GRK5: variants seen among roughly 807,000 people sequenced by gnomAD.
GRK5 encodes G protein-coupled receptor kinase 5.
Under a neutral mutation model 78.4 loss-of-function variants are expected in GRK5, and 40 were observed. The observed-to-expected ratio is 0.51, with a 90% CI of 0.40 to 0.66. The LOEUF is 0.66. Ranked by LOEUF, GRK5 falls within the 30% of genes least tolerant of loss-of-function variation. GRK5 has a pLI of 0.00. For missense variants in GRK5, 598 were observed against 759.9 expected (o/e 0.79, Z 2.50); for synonymous variants, 289 against 296.8 (o/e 0.97, Z 0.27).
intron 1 of GRK5, among the ~76,000 whole-genome samples, chr10:119,266,914 G>A (rs923643332): frequency 6.6e-6 from 1 of 151,870 alleles, no homozygotes; most frequent in African/African-American, 2.4e-5. Context: ...AGCTAGCACT[G>A]CAGGCGTGTG....
rs892977841 is a variant in GRK5, at chr10:119,459,638, C to T, written c.*4571C>T. ...CTGAAGGCAGCGGCTTCTGTTCTCC[C>T]GCTGCTGTAACTCTGTGTGTTCCGT... On this transcript the variant is annotated 3_prime_UTR_variant, in exon 16 of 16. Coordinates refer to ENST00000392870, the MANE Select transcript of GRK5 (RefSeq NM_005308.3). 2.0e-5 allele frequency: 3 copies of T among 152,224 alleles called. No individual in the cohort carries two copies. Among genetic ancestry groups the T allele is most frequent in the Admixed American group, 6.5e-5 (1 of 15,282 alleles). 9.4% of individuals were successfully genotyped at this position (152,224 alleles called of 1,614,324 possible).
Position 119,386,830 on chromosome 10 carries a change from G to A in GRK5, c.261+5903G>A, listed in dbSNP as rs111582175. Among the ~76,000 whole-genome samples, 160 of 152,314 alleles carry A rather than the reference G, an allele frequency of 1.1e-3. 1 individual carries two copies. The highest frequency in any genetic ancestry group is 3.6e-3 in the African/African-American group (148 of 41,558). On this transcript the variant is annotated intron_variant, in intron 3 of 15. Transcript: ENST00000392870. ...TGACTGGAACCCAGAGGAGGGAGGA[G>A]GTGGCGGGGTCCTTGGTGTTGCAGT...
Position 119,297,695 on chromosome 10 carries a change from C to T in GRK5, c.53-28821C>T, listed in dbSNP as rs144609759. The stretch of plus-strand genomic sequence containing the variant: ...CCTCTTGCTCTCTTGCTCTTGCCCC[C>T]TCTTGCCCTTCTGCCTTCCACCACA... On this transcript the variant is annotated intron_variant, in intron 1 of 15. Coordinates refer to ENST00000392870, the MANE Select transcript of GRK5 (RefSeq NM_005308.3). Among the ~76,000 whole-genome samples the T allele has an allele frequency of 2.0e-5, 3 of 152,346 alleles. No homozygotes were observed. The East Asian group carries it at 5.8e-4, about 29-fold the overall frequency.
At chr10:119,354,235 G>A (rs565566336) in intron 2 of GRK5, among the ~76,000 whole-genome samples, 145 of 151,902 alleles carry the variant, frequency 9.5e-4, no homozygotes, top group African/African-American at 3.2e-3. Context: ...ACCTTTGTCC[G>A]TGGAGTGGGG....
At chr10:119,252,287 C>A (rs1030534495) in intron 1 of GRK5, among the ~76,000 whole-genome samples, 5 of 152,190 alleles carry the variant, frequency 3.3e-5, no homozygotes, top group African/African-American at 1.2e-4. Context: ...GCAGCCCAGG[C>A]CTGCGACGGG....
intron 6 of GRK5, among the ~76,000 whole-genome samples, chr10:119,427,163 C>T (rs1248519747): frequency 6.6e-6 from 1 of 151,068 alleles, no homozygotes; most frequent in African/African-American, 2.4e-5. Flanking sequence ...CAATATCCCA[C>T]CGCCATCATC....
At chr10:119,348,696 C>G (rs968434200) in intron 2 of GRK5, among the ~76,000 whole-genome samples, 2 of 152,162 alleles carry the variant, frequency 1.3e-5, no homozygotes, top group Non-Finnish European at 2.9e-5. Context: ...GCTTGCTGGG[C>G]GGGCACAGCT....
intron 4 of GRK5, among the ~76,000 whole-genome samples, chr10:119,408,163 CAAAAAA>C (rs34029208): frequency 4.1e-5 from 3 of 73,936 alleles, no homozygotes; most frequent in African/African-American, 1.0e-4. Context: ...AACTCCATCT[CAAAAAA>C]AAAAAAAAAA....
chr10:119,365,155 AAAG>A (rs1195450079), intron 2 of GRK5, among the ~76,000 whole-genome samples: 2 of 152,346 alleles, frequency 1.3e-5, no homozygotes, highest in Non-Finnish European at 2.9e-5. Flanking sequence ...AAAAAGAAAG[AAAG>A]AAGGAGAGAA....
chr10:119,356,487 T>A (rs1851263386), intron 2 of GRK5, among the ~76,000 whole-genome samples: 1 of 152,238 alleles, frequency 6.6e-6, no homozygotes, highest in Non-Finnish European at 1.5e-5. Context: ...CTTTCTTGAT[T>A]TCTGGCATCC....
intron 2 of GRK5, among the ~76,000 whole-genome samples, chr10:119,371,945 A>G (rs1217585965): frequency 2.6e-5 from 4 of 152,230 alleles, no homozygotes; most frequent in Non-Finnish European, 5.9e-5. Context: ...CCAAGACCAC[A>G]CAGCCATCCA....
chr10:119,382,763 C>G (rs1851733879), intron 3 of GRK5, among the ~76,000 whole-genome samples: 1 of 152,198 alleles, frequency 6.6e-6, no homozygotes, highest in South Asian at 2.1e-4. Context: ...CTAAGGTCCA[C>G]ACGTTGTGAT....
At chr10:119,387,953 G>GT (rs1251645537) in intron 3 of GRK5, among the ~76,000 whole-genome samples, 1 of 34,874 alleles carries the variant, frequency 2.9e-5, no homozygotes, top group African/African-American at 6.8e-5. Flanking sequence ...AAATAAAGAA[G>GT]ATTTTTTTTT....
At chr10:119,392,154 G>C (rs929044994) in intron 3 of GRK5, among the ~76,000 whole-genome samples, 1 of 152,210 alleles carries the variant, frequency 6.6e-6, no homozygotes, top group Admixed American at 6.5e-5. Flanking sequence ...AGAGAATGAA[G>C]TATTAGGGCT....
intron 6 of GRK5, among the ~76,000 whole-genome samples, chr10:119,425,351 A>C (rs929190697): frequency 1.3e-5 from 2 of 151,516 alleles, no homozygotes; most frequent in Non-Finnish European, 2.9e-5. Context: ...TTTTTACTTC[A>C]CTGTCTTTGT....
intron 6 of GRK5, among the ~76,000 whole-genome samples, chr10:119,429,391 G>T (rs955591798): frequency 4.0e-5 from 6 of 151,848 alleles, no homozygotes; most frequent in Non-Finnish European, 8.8e-5. Flanking sequence ...CCCTGCCCTG[G>T]TCGGGACTTT....
At chr10:119,375,370 C>G (rs931232109) in intron 2 of GRK5, among the ~76,000 whole-genome samples, 2 of 152,180 alleles carry the variant, frequency 1.3e-5, no homozygotes, top group Non-Finnish European at 2.9e-5. Flanking sequence ...AGCTTCTCCC[C>G]CTGCCTGCAT....
rs147787728 is a variant in GRK5 at position 119,350,703 on chromosome 10, C to T, written c.148+24092C>T. ...ACTGGTCAGTTCAGATCTTGCCAGG[C>T]TGCCATGGAGTGGATCAAATCCCAT... On this transcript the variant is annotated intron_variant, in intron 2 of 15. Transcript: ENST00000392870. Among the ~76,000 whole-genome samples the T allele has an allele frequency of 3.3e-5, 5 of 152,336 alleles. No homozygotes were observed. The East Asian group carries it at 9.6e-4, about 29-fold the overall frequency.
At chr10:119,388,067 C>T (rs958643532) in intron 3 of GRK5, among the ~76,000 whole-genome samples, 35 of 152,208 alleles carry the variant, frequency 2.3e-4, no homozygotes, top group African/African-American at 6.5e-4. Flanking sequence ...ATCCTCCCAC[C>T]TCAGCCTCCT....
Sources: gnomAD v4.1 joint callset for allele counts (sites outside exome capture counted in the v4.1 genomes callset) on GRCh38, gnomAD v4.1.1 for gene constraint, MANE v1.5 for transcripts, NCBI Gene and HGNC (gene_info 2026-07-23, HGNC 2026-07-21) for gene names.